The following SRBD1 variants were observed in gnomAD, a reference collection of about 807,000 sequenced individuals.
SRBD1 encodes S1 RNA-binding domain-containing protein 1.
SRBD1 carries 88 observed loss-of-function variants against 115.3 expected under a neutral mutation model. That is an observed-to-expected ratio of 0.76 (90% CI 0.64 to 0.91). SRBD1 has a LOEUF of 0.91. Ranked by LOEUF, SRBD1 falls within the 40% of genes least tolerant of loss-of-function variation. The probability of loss-of-function intolerance (pLI) is 0.00; values close to 1 mark genes in which losing one functional copy is unlikely to be tolerated. For missense variants in SRBD1, 1,385 were observed against 1,177.4 expected, an observed-to-expected ratio of 1.18 and a Z score of -2.58; for synonymous variants, 509 against 407.7, an observed-to-expected ratio of 1.25 and a Z score of -2.99.
chr2:45,600,228 G>A (rs1249121420), intron 3 of SRBD1, among the ~76,000 whole-genome samples: 1 of 152,010 alleles, frequency 6.6e-6, no homozygotes, highest in Non-Finnish European at 1.5e-5. Context: ...TAAAACTGGA[G>A]AAATCTAAAT....
intron 16 of SRBD1, among the ~76,000 whole-genome samples, chr2:45,421,213 A>G (rs1480269094): frequency 1.3e-5 from 2 of 152,114 alleles, no homozygotes; most frequent in African/African-American, 4.8e-5. Flanking sequence ...GAGGTATTAA[A>G]ATGTCAGAAA....
intron 20 of SRBD1, 23 bp from the exon 21 acceptor site, chr2:45,389,622 G>A: frequency 6.2e-7 from 1 of 1,604,460 alleles, no homozygotes; most frequent in Non-Finnish European, 8.5e-7. Flanking sequence ...AAAAGTAAGT[G>A]TAAATAAGGC....
At chr2:45,509,646 C>T (rs1670907372) in intron 14 of SRBD1, among the ~76,000 whole-genome samples, 1 of 150,234 alleles carries the variant, frequency 6.7e-6, no homozygotes, top group African/African-American at 2.5e-5. Flanking sequence ...CACACACACA[C>T]GCAAAGAAGA....
rs566367161 is a variant in SRBD1 at position 45,488,314 on chromosome 2, C to G, written c.1892G>C (p.Gly631Ala). Residue 631 changes from glycine (G) to alanine (A), a missense_variant, in exon 15 of 21, where the codon GGA becomes GCA. Physicochemically the swap from Gly to Ala is moderately conservative, Grantham distance 60. Transcript: ENST00000263736. ...DVVYCIVSEAGASIYSVSPEA... is the reference protein window; with the variant it reads ...DVVYCIVSEAAASIYSVSPEA... ...AGGGCTGACACTGTAGATTGATGCT[C>G]CTGCTTCACTGACGATACTGAGAAG... 1 of 1,613,646 alleles carries G rather than the reference C, an allele frequency of 6.2e-7. No individual in the cohort carries two copies. The highest frequency in any genetic ancestry group is 1.3e-5 in the African/African-American group (1 of 74,958).
At chr2:45,468,942 C>T (rs1217996312) in intron 16 of SRBD1, among the ~76,000 whole-genome samples, 1 of 152,166 alleles carries the variant, frequency 6.6e-6, no homozygotes, top group African/African-American at 2.4e-5. Flanking sequence ...ATGGCTTTAG[C>T]ATGCATTTCC....
intron 16 of SRBD1, among the ~76,000 whole-genome samples, chr2:45,428,495 G>A (rs1008339069): frequency 6.6e-6 from 1 of 152,042 alleles, no homozygotes; most frequent in South Asian, 2.1e-4. Flanking sequence ...AGCTTGCAGT[G>A]AGCCGAGACT....
At chr2:45,398,597 T>C (rs916351664) in intron 19 of SRBD1, among the ~76,000 whole-genome samples, 2 of 152,152 alleles carry the variant, frequency 1.3e-5, no homozygotes, top group African/African-American at 4.8e-5. Flanking sequence ...TAGAAAGCTG[T>C]TTTATTTTAA....
chr2:45,437,311 G>C (rs1304389502), intron 16 of SRBD1, among the ~76,000 whole-genome samples: 2 of 137,470 alleles, frequency 1.5e-5, no homozygotes, highest in South Asian at 2.3e-4. Context: ...TAACTTTTAA[G>C]ACATACTACA....
chr2:45,572,349 A>C (rs527532617), intron 9 of SRBD1, among the ~76,000 whole-genome samples: 2 of 152,292 alleles, frequency 1.3e-5, no homozygotes, highest in South Asian at 4.1e-4. Flanking sequence ...TGATAAAAAA[A>C]TTGCTGGAGA....
chr2:45,431,432 T>A (rs1480519002), intron 16 of SRBD1, among the ~76,000 whole-genome samples: 1 of 152,108 alleles, frequency 6.6e-6, no homozygotes, highest in Admixed American at 6.6e-5. Flanking sequence ...TGTGGCACCA[T>A]GGAATATTAT....
At chr2:45,531,405 A>G (rs943303607) in intron 14 of SRBD1, among the ~76,000 whole-genome samples, 7 of 151,914 alleles carry the variant, frequency 4.6e-5, no homozygotes, top group Non-Finnish European at 1.0e-4. Flanking sequence ...TTTTATTACA[A>G]TAGATTTTTA....
chr2:45,421,818 G>T (rs994345873), intron 16 of SRBD1, among the ~76,000 whole-genome samples: 8 of 152,084 alleles, frequency 5.3e-5, no homozygotes, highest in Non-Finnish European at 7.4e-5. Context: ...GAGCACTTCT[G>T]TATTTCAGAG....
intron 16 of SRBD1, among the ~76,000 whole-genome samples, chr2:45,453,748 C>T (rs1002230612): frequency 6.6e-6 from 1 of 151,828 alleles, no homozygotes; most frequent in African/African-American, 2.4e-5. Flanking sequence ...TGATGAAAAA[C>T]AAAACTCAGA....
intron 4 of SRBD1, among the ~76,000 whole-genome samples, chr2:45,596,391 A>AT (rs1209503094): frequency 1.3e-5 from 2 of 152,228 alleles, no homozygotes; most frequent in Non-Finnish European, 1.5e-5. Context: ...CTAACCAAAC[A>AT]TTAAAAGTCT....
chr2:45,449,593 T>TAA (rs530917395), intron 16 of SRBD1, among the ~76,000 whole-genome samples: 1 of 152,202 alleles, frequency 6.6e-6, no homozygotes, highest in South Asian at 2.1e-4. Context: ...GGTGTGATAC[T>TAA]AAAATCCAGG....
chr2:45,404,115 A>G (rs1667363200), intron 19 of SRBD1, among the ~76,000 whole-genome samples: 1 of 152,174 alleles, frequency 6.6e-6, no homozygotes, highest in Non-Finnish European at 1.5e-5. Context: ...TCAAGGAGAA[A>G]GATCTCATTT....
chr2:45,419,661 T>C, intron 17 of SRBD1, 127 bp downstream of exon 17: 1 of 692,448 alleles, frequency 1.4e-6, no homozygotes, highest in Non-Finnish European at 2.5e-6. Context: ...CTTAAAGCAA[T>C]GTATAAACCC....
chr2:45,452,323 T>C (rs1669022551), intron 16 of SRBD1, among the ~76,000 whole-genome samples: 2 of 151,998 alleles, frequency 1.3e-5, no homozygotes, highest in African/African-American at 4.8e-5. Context: ...AGCCAAATTG[T>C]GATTCTCTGG....
intron 16 of SRBD1, among the ~76,000 whole-genome samples, chr2:45,433,539 T>G (rs779640868): frequency 6.6e-6 from 1 of 152,198 alleles, no homozygotes; most frequent in Non-Finnish European, 1.5e-5. Context: ...ATGTGACAGT[T>G]TTTAAGAGTC....
Sources: gnomAD v4.1 joint callset for allele counts (sites outside exome capture counted in the v4.1 genomes callset) on GRCh38, gnomAD v4.1.1 for gene constraint, MANE v1.5 for transcripts, NCBI Gene and HGNC (gene_info 2026-07-23, HGNC 2026-07-21) for gene names.